Variants in AGBL1 observed in about 807,000 individuals in gnomAD.
AGBL1 encodes the protein AGBL carboxypeptidase 1, also known as cytosolic carboxypeptidase 4.
A neutral mutation model predicts 118.9 loss-of-function variants in AGBL1; 130 were observed. That is an observed-to-expected ratio of 1.09 (90% CI 0.95 to 1.26). The LOEUF (loss-of-function observed/expected upper bound fraction) is 1.26, where lower values mean the gene tolerates loss of function less well. Among genes scored for constraint, AGBL1 ranks in the 50% most tolerant of loss-of-function variants. The pLI, the probability that AGBL1 is intolerant of heterozygous loss-of-function variation, is 0.00. For missense variants in AGBL1, 1,584 were observed against 1,298.1 expected (o/e 1.22, Z -3.38); for synonymous variants, 555 against 478.9 (o/e 1.16, Z -2.08).
intron 22 of AGBL1, among the ~76,000 whole-genome samples, chr15:86,768,104 C>G (rs1295936533): frequency 6.6e-6 from 1 of 151,862 alleles, no homozygotes; most frequent in Non-Finnish European, 1.5e-5. Flanking sequence ...AATCATTGCT[C>G]CACAGTGAAT....
intron 22 of AGBL1, among the ~76,000 whole-genome samples, chr15:86,697,425 GTTCT>G (rs1435962935): frequency 6.6e-6 from 1 of 150,994 alleles, no homozygotes; most frequent in East Asian, 1.9e-4. Context: ...CTCTAAGTGT[GTTCT>G]TTATTTCCTG....
Position 86,436,376 on chromosome 15 carries a change from T to G in AGBL1, c.2555+38830T>G, listed in dbSNP as rs143162486. ...TGAAAGAGGTAAATGTGGAGAATGA[T>G]AAAATTAAGCTAAGGAAAAAAATAG... On this transcript the variant is annotated intron_variant, in intron 18 of 22. Transcript: ENST00000614907. Among the ~76,000 whole-genome samples, 56 of 151,718 alleles carry G rather than the reference T, an allele frequency of 3.7e-4. No individual in the cohort carries two copies. The East Asian group carries it at 0.011, about 29-fold the overall frequency.
intron 5 of AGBL1, among the ~76,000 whole-genome samples, chr15:86,197,528 T>C (rs1264112392): frequency 6.6e-6 from 1 of 152,216 alleles, no homozygotes; most frequent in African/African-American, 2.4e-5. Flanking sequence ...ATTGGATAAT[T>C]ACCTGAGGCG....
chr15:86,546,265 A>G, intron 20 of AGBL1, 132 bp downstream of exon 20: 1 of 1,094,298 alleles, frequency 9.1e-7, no homozygotes. Context: ...TATTCTAACC[A>G]TAGGATTGTA....
intron 18 of AGBL1, among the ~76,000 whole-genome samples, chr15:86,495,119 T>C (rs1459759554): frequency 6.6e-6 from 1 of 151,918 alleles, no homozygotes; most frequent in African/African-American, 2.4e-5. Context: ...TCTCTCTCTC[T>C]CTCTCGCTTT....
chr15:86,518,419 T>C (rs2083148031), intron 18 of AGBL1, among the ~76,000 whole-genome samples: 1 of 152,292 alleles, frequency 6.6e-6, no homozygotes, highest in African/African-American at 2.4e-5. Flanking sequence ...CAGAATGTCA[T>C]GCAGCTGGTG....
Position 86,477,932 on chromosome 15 carries a change from G to A in AGBL1, c.2556-44878G>A, listed in dbSNP as rs548592465. On this transcript the variant is annotated intron_variant, in intron 18 of 22. Transcript: ENST00000614907. ...GGGATGCAAGGCTGATTCAACATACGCAAATCAAGAAACATAATCCAGCAT... is the reference window on the plus strand; with the variant it reads ...GGGATGCAAGGCTGATTCAACATACACAAATCAAGAAACATAATCCAGCAT... 2.1e-3 allele frequency among the ~76,000 whole-genome samples: 322 copies of A among 152,152 alleles called. 3 individuals carry two copies. The highest frequency in any genetic ancestry group is 7.1e-3 in the African/African-American group (293 of 41,492).
At chr15:86,702,188 A>C (rs2086371857) in intron 22 of AGBL1, among the ~76,000 whole-genome samples, 1 of 152,158 alleles carries the variant, frequency 6.6e-6, no homozygotes, top group Non-Finnish European at 1.5e-5. Flanking sequence ...TTTACTTTTT[A>C]GTTTTGAAAA....
rs533154791 is a variant in AGBL1, at chr15:87,026,486, C to A, written c.3324-2339C>A. Among the ~76,000 whole-genome samples the A allele has an allele frequency of 7.9e-5, 12 of 151,818 alleles. No homozygotes were observed. In the South Asian group the frequency reaches 2.5e-3, roughly 32 times the overall value. On this transcript the variant is annotated intron_variant, in intron 24 of 24. Coordinates refer to the AGBL1 transcript ENST00000441037. ...GCAAGAATGGCCATAATCAAAAAAT[C>A]AAAAAAATAGTAGACGTTGGCATGG...
chr15:86,992,405 C>T (rs1187682754), intron 24 of AGBL1, among the ~76,000 whole-genome samples: 2 of 152,162 alleles, frequency 1.3e-5, no homozygotes, highest in Non-Finnish European at 1.5e-5. Context: ...AAAATACATT[C>T]CCATTTAACT....
chr15:86,984,404 G>A (rs56318780), intron 23 of AGBL1, among the ~76,000 whole-genome samples: 7 of 140,606 alleles, frequency 5.0e-5, no homozygotes, highest in African/African-American at 1.3e-4. Flanking sequence ...TCACTCTGTC[G>A]CCCGGGCTGG....
chr15:86,804,386 C>T (rs1021730778), intron 22 of AGBL1, among the ~76,000 whole-genome samples: 4 of 152,102 alleles, frequency 2.6e-5, no homozygotes, highest in African/African-American at 4.8e-5. Context: ...AATCAGAACT[C>T]AATACAGAAC....
intron 16 of AGBL1, among the ~76,000 whole-genome samples, chr15:86,287,624 G>T (rs1205972987): frequency 6.6e-6 from 1 of 151,950 alleles, no homozygotes; most frequent in African/African-American, 2.4e-5. Context: ...CATGTTTTTG[G>T]CACCTCTGTC....
chr15:86,183,364 T>C (rs998734797), intron 5 of AGBL1, among the ~76,000 whole-genome samples: 2 of 152,256 alleles, frequency 1.3e-5, no homozygotes, highest in South Asian at 2.1e-4. Context: ...TAAAAGGTAT[T>C]CAATCCAATA....
intron 18 of AGBL1, among the ~76,000 whole-genome samples, chr15:86,400,907 A>T (rs2081435751): frequency 6.6e-6 from 1 of 152,134 alleles, no homozygotes; most frequent in South Asian, 2.1e-4. Flanking sequence ...TGCAATTGCG[A>T]ATTGTGCTGC....
At chr15:86,787,990 A>C (rs932220458) in intron 22 of AGBL1, among the ~76,000 whole-genome samples, 2 of 152,184 alleles carry the variant, frequency 1.3e-5, no homozygotes, top group African/African-American at 4.8e-5. Context: ...ATCTTTTTGA[A>C]GGCCACCTTC....
chr15:86,674,282 T>C lies in AGBL1; in HGVS notation c.3004T>C (p.Phe1002Leu). ...CNQGPYQGLQ[F>L]GTRELEEMGA... is the part of the protein sequence containing the mutation. ...TTTGTTTAACTGGCAGGGTCTACAG[T>C]TTGGTACCAGAGAACTGGAGGAGAT... Residue 1002 changes from phenylalanine to leucine, a missense_variant, in exon 22 of 23, where the codon TTT (phenylalanine) becomes CTT (leucine). Coordinates refer to ENST00000614907, the MANE Select transcript of AGBL1 (RefSeq NM_001386094.1). 6.2e-7 allele frequency: 1 copy of C among 1,610,660 alleles called. No individual in the cohort carries two copies. Among genetic ancestry groups the C allele is most frequent in the Non-Finnish European group, 8.5e-7 (1 of 1,178,266 alleles).
chr15:86,414,882 G>A (rs1375143066), intron 18 of AGBL1, among the ~76,000 whole-genome samples: 1 of 152,108 alleles, frequency 6.6e-6, no homozygotes, highest in Non-Finnish European at 1.5e-5. Context: ...GCTTGGGTTT[G>A]CCATTTACTA....
intron 22 of AGBL1, among the ~76,000 whole-genome samples, chr15:86,712,953 C>T (rs1480512549): frequency 6.6e-6 from 1 of 152,144 alleles, no homozygotes; most frequent in Non-Finnish European, 1.5e-5. Flanking sequence ...GCGATTTTAA[C>T]AATTGCCACC....
Sources: gnomAD v4.1 joint callset for allele counts (sites outside exome capture counted in the v4.1 genomes callset) on GRCh38, gnomAD v4.1.1 for gene constraint, MANE v1.5 for transcripts, NCBI Gene and HGNC (gene_info 2026-07-23, HGNC 2026-07-21) for gene names.